LSG1: variants seen among roughly 807,000 people sequenced by gnomAD.
The protein encoded by LSG1 is large subunit GTPase 1 homolog.
LSG1 carries 55 observed loss-of-function variants against 82.6 expected under a neutral mutation model. The observed-to-expected ratio is 0.67, with a 90% CI of 0.54 to 0.83. The LOEUF (loss-of-function observed/expected upper bound fraction) is 0.83. LSG1 is among the 40% of genes least tolerant of loss of function. The pLI, the probability that LSG1 is intolerant of heterozygous loss-of-function variation, is 0.00. For synonymous variants in LSG1, 272 were observed against 282.5 expected (o/e 0.96, Z 0.37); for missense variants, 809 against 807.9 (o/e 1.00, Z -0.02).
chr3:194,644,271 A>G (rs1202464236), intron 13 of LSG1, among the ~76,000 whole-genome samples: 1 of 151,494 alleles, frequency 6.6e-6, no homozygotes, highest in African/African-American at 2.4e-5. Context: ...CTGAGGCAGG[A>G]GAATGGCGTG....
At chr3:194,642,677 T>C (rs1218727382) in intron 13 of LSG1, among the ~76,000 whole-genome samples, 1 of 152,216 alleles carries the variant, frequency 6.6e-6, no homozygotes, top group African/African-American at 2.4e-5. Context: ...TTTAGACATA[T>C]GAATTATATT....
Position 194,644,579 on chromosome 3 carries a change from GA to G in LSG1, c.1790del (p.Phe597SerfsTer6). The G allele has an allele frequency of 6.2e-7, 1 of 1,609,370 alleles. No homozygotes were observed. The highest frequency in any genetic ancestry group is 8.5e-7 in the Non-Finnish European group (1 of 1,178,548). On this transcript the variant is annotated frameshift_variant, in exon 13 of 14. Coordinates refer to ENST00000265245, the MANE Select transcript of LSG1 (RefSeq NM_018385.3). LOFTEE classifies it high-confidence loss of function. Reference sequence around the variant, plus strand: ...GAAAAGCTTTAAAACTTACTTGATGGAAAAAAGTTTTGTCAACGATATTTTC... The same window carrying G: ...GAAAAGCTTTAAAACTTACTTGATGGAAAAAGTTTTGTCAACGATATTTTC... The part of the protein sequence containing the change: ...QIENIVDKTF[F>X]HQENVRALTK...
At chr3:194,667,142 G>A (rs929578941) in intron 2 of LSG1, among the ~76,000 whole-genome samples, 8 of 151,938 alleles carry the variant, frequency 5.3e-5, no homozygotes, top group African/African-American at 1.4e-4. Context: ...TCGGTTCACT[G>A]CAACCTCAAA....
rs112602313 is a variant in LSG1 at position 194,660,105 on chromosome 3, G to A, written c.550C>T (p.Arg184Ter). 24 of 1,613,824 alleles carry A rather than the reference G, an allele frequency of 1.5e-5. No individual in the cohort carries two copies. The highest frequency in any genetic ancestry group is 4.0e-5 in the African/African-American group (3 of 74,880). ...SDIVVQIVDA[R>*]NPLLFRCEDL... ...TCACATCTAAACAGGAGTGGGTTTC[G>A]AGCATCTACTATCTGGACCACAATA... Residue 184 changes from arginine (R) to a stop codon, truncating the protein, a stop_gained, in exon 6 of 14, where the codon CGA becomes TGA. Transcript: ENST00000265245. LOFTEE classifies it high-confidence loss of function.
chr3:194,645,575 G>C (rs5029776), intron 12 of LSG1, among the ~76,000 whole-genome samples: 2,224 of 19,828 alleles, frequency 0.11, 273 homozygotes, highest in Admixed American at 0.21. Flanking sequence ...CACACAGACA[G>C]ACACACACAC....
chr3:194,662,232 C>G (rs907229494), intron 5 of LSG1, among the ~76,000 whole-genome samples: 15 of 152,360 alleles, frequency 9.8e-5, no homozygotes, highest in African/African-American at 3.6e-4. Context: ...CAACCCACCA[C>G]ACAGCCCCCA....
At chr3:194,649,792 C>T (rs1230949827) in intron 10 of LSG1, among the ~76,000 whole-genome samples, 1 of 152,112 alleles carries the variant, frequency 6.6e-6, no homozygotes, top group African/African-American at 2.4e-5. Flanking sequence ...TACTTACAAG[C>T]CAGCGGATTA....
At chr3:194,660,886 A>T (rs1282336518) in intron 5 of LSG1, 1 of 456,622 alleles carries the variant, frequency 2.2e-6, no homozygotes, top group South Asian at 1.5e-5. Flanking sequence ...GGTGTCCAGC[A>T]CTGCAAGGAG....
chr3:194,662,574 C>A (rs1718954753), intron 5 of LSG1, among the ~76,000 whole-genome samples: 1 of 152,084 alleles, frequency 6.6e-6, no homozygotes, highest in African/African-American at 2.4e-5. Context: ...ACCAGCCTGG[C>A]CAACATGGAG....
rs1338304998 is a variant in LSG1 at position 194,641,814 on chromosome 3, C to T, written c.*254G>A. 6 of 345,840 alleles carry T rather than the reference C, an allele frequency of 1.7e-5. No individual in the cohort carries two copies. The highest frequency in any genetic ancestry group is 9.4e-5 in the East Asian group (2 of 21,284). 21.4% of individuals were successfully genotyped at this position (345,840 alleles called of 1,614,324 possible). A position where few individuals can be genotyped will look rare whatever the true frequency, so the allele number is the denominator to read the frequency against. On this transcript the variant is annotated 3_prime_UTR_variant, in exon 14 of 14. Coordinates refer to ENST00000265245, the MANE Select transcript of LSG1 (RefSeq NM_018385.3). ...TATTTTTAGTAGAGACGGGGTTTCT[C>T]CATGTTGGTGCGTGAGCCACTGTGC...
At chr3:194,664,214 A>G (rs1718988054) in intron 5 of LSG1, among the ~76,000 whole-genome samples, 1 of 152,124 alleles carries the variant, frequency 6.6e-6, no homozygotes. Context: ...GGACCTCCTA[A>G]AGTGCTGGGA....
chr3:194,643,931 G>C (rs898836451), intron 13 of LSG1, among the ~76,000 whole-genome samples: 8 of 152,160 alleles, frequency 5.3e-5, no homozygotes, highest in African/African-American at 1.9e-4. Flanking sequence ...CACGCTAAAT[G>C]AAAGAAGCCT....
intron 2 of LSG1, among the ~76,000 whole-genome samples, chr3:194,667,942 A>AAAAAAAAAAAAAAAAT (rs1416407494): frequency 8.7e-4 from 76 of 86,954 alleles, no homozygotes; most frequent in Middle Eastern, 7.7e-3. Context: ...AAAAAAAAAA[A>AAAAAAAAAAAAAAAAT]ATATATATAT....
At chr3:194,642,360 A>C in intron 13 of LSG1, 113 bp from the exon 14 acceptor site, 1 of 786,560 alleles carries the variant, frequency 1.3e-6, no homozygotes, top group Non-Finnish European at 1.9e-6. Flanking sequence ...TCACTGGGTG[A>C]ACTTCCGCCC....
chr3:194,648,274 A>G (rs1236181929), intron 11 of LSG1, among the ~76,000 whole-genome samples: 2 of 151,950 alleles, frequency 1.3e-5, no homozygotes, highest in East Asian at 3.9e-4. Flanking sequence ...TTGTGCCCCT[A>G]TCCTAACCAA....
At position 194,641,560 on chromosome 3, in the gene LSG1, G is replaced by A. The variant is rs1306901411; in HGVS notation, c.*508C>T. On this transcript the variant is annotated 3_prime_UTR_variant, in exon 14 of 14. Transcript: ENST00000265245. ...CGGAGGAACCCAACTAGGACACTCA[G>A]AATGGGGAATTTCTCTTTCACCTTC... is the stretch of plus-strand genomic sequence containing the variant. 6.6e-6 allele frequency: 1 copy of A among 152,456 alleles called. No homozygotes were observed. Among genetic ancestry groups the A allele is most frequent in the African/African-American group, 2.4e-5 (1 of 41,420 alleles). The allele number at this position is 152,456 out of a possible 1,614,324, so 9.4% of individuals were successfully genotyped here.
rs531862648 is a variant in LSG1 at position 194,666,100 on chromosome 3, C to G, written c.434+103G>C. On this transcript the variant is annotated intron_variant, in intron 4 of 13. Transcript: ENST00000265245. ...GTTAGCAGAATGCTACCATTTCCTTCTTAAAAGAATCAAAACTTCAAAACA... is the reference window on the plus strand; with the variant it reads ...GTTAGCAGAATGCTACCATTTCCTTGTTAAAAGAATCAAAACTTCAAAACA... The G allele has an allele frequency of 4.0e-4, 405 of 1,023,696 alleles. 1 individual carries two copies. In the African/African-American group the frequency reaches 5.3e-3, roughly 13 times the overall value. The allele number at this position is 1,023,696 out of a possible 1,614,324, so 63.4% of individuals were successfully genotyped here.
intron 2 of LSG1, among the ~76,000 whole-genome samples, chr3:194,667,942 A>AAAAAAAAAAAAAAAAAAT (rs1416407494): frequency 7.1e-4 from 62 of 86,950 alleles, no homozygotes; most frequent in Non-Finnish European, 1.0e-3. Flanking sequence ...AAAAAAAAAA[A>AAAAAAAAAAAAAAAAAAT]ATATATATAT....
rs542221166 is a variant in LSG1, at chr3:194,645,505, C to G, written c.1623+659G>C. On this transcript the variant is annotated intron_variant, in intron 12 of 13. Transcript: ENST00000265245. ...CATTGAGCTTAGTGCTACACACACA[C>G]ACACACACACACACACACACACACA... The G allele has an allele frequency of 2.1e-4, 11 of 53,520 alleles. No individual in the cohort carries two copies. In the East Asian group the frequency reaches 6.0e-3, roughly 29 times the overall value. 3.3% of individuals were successfully genotyped at this position (53,520 alleles called of 1,614,324 possible).
Sources: allele counts gnomAD v4.1 joint callset (sites outside exome capture counted in the v4.1 genomes callset), GRCh38; gene constraint gnomAD v4.1.1; transcripts MANE v1.5; gene names NCBI Gene and HGNC (gene_info 2026-07-23, HGNC 2026-07-21).